The following HABP2 variants were observed in gnomAD, a reference collection of about 807,000 sequenced individuals.
HABP2 encodes hyaluronan binding protein 2.
HABP2 carries 65 observed loss-of-function variants against 66.5 expected under a neutral mutation model. The observed-to-expected ratio is 0.98, with a 90% CI of 0.80 to 1.20. The LOEUF (loss-of-function observed/expected upper bound fraction) is 1.20. Ranked by LOEUF, HABP2 falls within the 50% of genes most tolerant of loss-of-function variation. HABP2 has a pLI of 0.00. For missense variants in HABP2, 786 were observed against 691.0 expected, an observed-to-expected ratio of 1.14 and a Z score of -1.54; for synonymous variants, 263 against 253.9, an observed-to-expected ratio of 1.04 and a Z score of -0.34.
At chr10:113,567,604 G>A in intron 2 of HABP2, 79 bp downstream of exon 2, 1 of 1,049,976 alleles carries the variant, frequency 9.5e-7, no homozygotes, top group South Asian at 1.3e-5. Context: ...CCTAAGTATG[G>A]AAGTGTTGGA....
upstream of HABP2, among the ~76,000 whole-genome samples, chr10:113,551,189 G>A (rs1002055046): frequency 6.6e-6 from 1 of 152,166 alleles, no homozygotes; most frequent in Non-Finnish European, 1.5e-5. Flanking sequence ...TCCAGTGCTG[G>A]GCATCTATGC....
intron 1 of HABP2, among the ~76,000 whole-genome samples, chr10:113,564,600 C>T (rs188543987): frequency 1.2e-4 from 19 of 152,216 alleles, no homozygotes; most frequent in Admixed American, 5.9e-4. Flanking sequence ...TAACAAATGA[C>T]CTCTCTTCCT....
chr10:113,556,804 C>CTTTTT (rs66685949), intron 1 of HABP2, among the ~76,000 whole-genome samples: 76 of 105,078 alleles, frequency 7.2e-4, no homozygotes, highest in Non-Finnish European at 1.0e-3. Context: ...TTCTTTTATT[C>CTTTTT]TTTTTTTTTT....
upstream of HABP2, among the ~76,000 whole-genome samples, chr10:113,551,228 T>A (rs1565092808): frequency 6.6e-6 from 1 of 152,290 alleles, no homozygotes; most frequent in East Asian, 1.9e-4. Context: ...TGAAACAGAG[T>A]GCCTGCTCTC....
chr10:113,576,496 A>G (rs773798242), intron 4 of HABP2, among the ~76,000 whole-genome samples: 4 of 152,162 alleles, frequency 2.6e-5, no homozygotes, highest in Non-Finnish European at 5.9e-5. Flanking sequence ...TCATTCTACC[A>G]TACTCACTGT....
In HABP2 at chr10:113,558,673, G is replaced by A. The variant is rs139454725; in HGVS notation, c.69+5483G>A. On this transcript the variant is annotated intron_variant, in intron 1 of 12. Coordinates refer to ENST00000351270, the MANE Select transcript of HABP2 (RefSeq NM_004132.5). ...CGCAGTGGCTCACATCTGATGCCAC[G>A]GAAAGCGCAGGAGTGAGCACAGCTT... Among the ~76,000 whole-genome samples the A allele has an allele frequency of 6.2e-3, 949 of 152,314 alleles. 4 individuals are homozygous for A. Among genetic ancestry groups the A allele is most frequent in the Non-Finnish European group, 0.011 (778 of 68,024 alleles).
rs746910947 is a variant in HABP2 at position 113,553,082 on chromosome 10, A to G, written c.-40A>G. 2 of 1,528,708 alleles carry G rather than the reference A, an allele frequency of 1.3e-6. No homozygotes were observed. Among genetic ancestry groups the G allele is most frequent in the Non-Finnish European group, 1.8e-6 (2 of 1,102,628 alleles). 94.7% of individuals were successfully genotyped at this position (1,528,708 alleles called of 1,614,324 possible). On this transcript the variant is annotated 5_prime_UTR_variant, in exon 1 of 13. Transcript: ENST00000351270. The stretch of plus-strand genomic sequence containing the variant: ...CCTAAAGGCATAGACAACAAAAGAA[A>G]TTTTATTGAGAGGAAAACACAAGTC...
rs370052188 is a variant in HABP2 at position 113,576,007 on chromosome 10, G to A, written c.331+3G>A. The A allele has an allele frequency of 9.3e-6, 14 of 1,502,236 alleles. No individual in the cohort carries two copies. In the African/African-American group the frequency reaches 1.8e-4, roughly 19 times the overall value. 93.1% of individuals were successfully genotyped at this position (1,502,236 alleles called of 1,614,324 possible). The stretch of plus-strand genomic sequence containing the variant: ...CTCTGGGAATAAGTGTCAGAAAGGT[G>A]AGTCCGTCATCACTAGTCCACTCTT... On this transcript the variant is annotated splice_donor_region_variant and intron_variant, in intron 4 of 12. Transcript: ENST00000351270.
Position 113,588,242 on chromosome 10 carries a change from G to A in HABP2, c.1556G>A (p.Gly519Asp), listed in dbSNP as rs1170683826. The change falls in exon 13 of 13, where the codon GGC becomes GAC. Residue 519 changes from glycine (G) to aspartate (D), a missense_variant. Gly to Asp is a moderately conservative substitution (Grantham distance 94). Transcript: ENST00000351270. ...SGGPLTCEKD[G>D]TYYVYGIVSW... ...GGCCCCCTGACCTGTGAGAAGGACG[G>A]CACCTACTACGTCTATGGGATAGTG... 6.2e-7 allele frequency: 1 copy of A among 1,612,978 alleles called. No homozygotes were observed. The highest frequency in any genetic ancestry group is 1.7e-5 in the Admixed American group (1 of 59,938).
chr10:113,575,923 C>T lies in HABP2; in HGVS notation c.250C>T (p.His84Tyr), dbSNP rs1845400107. 6.2e-7 allele frequency: 1 copy of T among 1,610,076 alleles called. No individual in the cohort carries two copies. Among genetic ancestry groups the T allele is most frequent in the East Asian group, 2.2e-5 (1 of 44,844 alleles). ...TCCATGCCAGCCCAACCCCTGTGAA[C>T]ACGGTGGGGACTGCCTCGTCCATGG... ...ADPCQPNPCE[H>Y]GGDCLVHGST... is the part of the protein sequence containing the mutation. Residue 84 changes from histidine (H) to tyrosine (Y), a missense_variant, in exon 4 of 13, where the codon CAC (histidine) becomes TAC (tyrosine). His to Tyr is a moderately conservative substitution (Grantham distance 83, BLOSUM62 2). Coordinates refer to ENST00000351270, the MANE Select transcript of HABP2 (RefSeq NM_004132.5).
intron 1 of HABP2, among the ~76,000 whole-genome samples, chr10:113,564,709 A>T (rs1435930080): frequency 6.6e-6 from 1 of 152,220 alleles, no homozygotes; most frequent in Non-Finnish European, 1.5e-5. Flanking sequence ...CTTCATCCAG[A>T]TAGATGCCAC....
At chr10:113,574,448 C>A in intron 3 of HABP2, 43 bp downstream of exon 3, 3 of 980,100 alleles carry the variant, frequency 3.1e-6, no homozygotes, top group South Asian at 2.6e-5. Context: ...GGGAGAAGGT[C>A]AGAGCGGAGT....
At chr10:113,564,628 C>T (rs1378249096) in intron 1 of HABP2, among the ~76,000 whole-genome samples, 2 of 152,100 alleles carry the variant, frequency 1.3e-5, no homozygotes, top group African/African-American at 4.8e-5. Flanking sequence ...CATTCCTTTC[C>T]CCTCACCAAC....
At chr10:113,586,566 C>G (rs1455347170) in intron 12 of HABP2, among the ~76,000 whole-genome samples, 1 of 151,226 alleles carries the variant, frequency 6.6e-6, no homozygotes, top group Non-Finnish European at 1.5e-5. Flanking sequence ...GCTTGTGACT[C>G]AGAGACACTG....
At chr10:113,580,486 G>T (rs1845504162) in intron 7 of HABP2, 109 bp from the exon 8 acceptor site, 1 of 682,162 alleles carries the variant, frequency 1.5e-6, no homozygotes, top group Admixed American at 2.1e-5. Flanking sequence ...AAGAAATGTG[G>T]TCCCAGGGGG....
chr10:113,551,128 AGTG>A (rs1258776997), upstream of HABP2, among the ~76,000 whole-genome samples: 1 of 152,230 alleles, frequency 6.6e-6, no homozygotes, highest in African/African-American at 2.4e-5. Context: ...ACATGGATAA[AGTG>A]GTCATTCATT....
chr10:113,581,834 G>T, intron 8 of HABP2, 42 bp from the exon 9 acceptor site: 1 of 1,610,152 alleles, frequency 6.2e-7, no homozygotes, highest in South Asian at 1.1e-5. Context: ...AGGAACTGGA[G>T]GGAGGCTGAA....
chr10:113,581,899 C>G lies in HABP2; in HGVS notation c.862C>G (p.Pro288Ala), dbSNP rs765092399. 6.2e-7 allele frequency: 1 copy of G among 1,614,100 alleles called. No individual in the cohort carries two copies. The highest frequency in any genetic ancestry group is 8.5e-7 in the Non-Finnish European group (1 of 1,179,962). ...AQDVAYPEES[P>A]TEPSTKLPGF... ...AGACGTTGCCTACCCAGAGGAAAGC[C>G]CCACTGAGCCATCAACCAAGCTTCC... The change falls in exon 9 of 13, where the codon CCC becomes GCC. Residue 288 changes from proline to alanine, a missense_variant. Transcript: ENST00000351270.
chr10:113,576,108 G>T, intron 4 of HABP2, 104 bp downstream of exon 4: 1 of 727,372 alleles, frequency 1.4e-6, no homozygotes, highest in East Asian at 2.5e-5. Flanking sequence ...GATTATAACT[G>T]CAATACTGTA....
Sources: allele counts gnomAD v4.1 joint callset (sites outside exome capture counted in the v4.1 genomes callset), GRCh38; gene constraint gnomAD v4.1.1; transcripts MANE v1.5; gene names NCBI Gene and HGNC (gene_info 2026-07-23, HGNC 2026-07-21).